The following VDAC1 variants were observed in gnomAD, a reference collection of about 807,000 sequenced individuals.
VDAC1 encodes non-selective voltage-gated ion channel VDAC1.
A neutral mutation model predicts 34.7 loss-of-function variants in VDAC1; 10 were observed. The ratio of observed to expected loss-of-function variants is 0.29; its 90% CI spans 0.18 to 0.49. The LOEUF (loss-of-function observed/expected upper bound fraction) is 0.49, where lower values mean the gene tolerates loss of function less well. Ranked by LOEUF, VDAC1 falls within the 20% of genes least tolerant of loss-of-function variation. The pLI is 0.99. For synonymous variants in VDAC1, 130 were observed against 136.0 expected, an observed-to-expected ratio of 0.96 and a Z score of 0.30; for missense variants, 230 against 347.9, an observed-to-expected ratio of 0.66 and a Z score of 2.69.
the VDAC1 span, among the ~76,000 whole-genome samples, chr5:134,040,948 C>T: frequency 6.6e-6 from 1 of 152,088 alleles, no homozygotes; most frequent in Admixed American, 6.6e-5. Context: ...GTGTGTTTTT[C>T]CCCCAAGAAG....
intron 1 of VDAC1, among the ~76,000 whole-genome samples, chr5:133,996,361 G>C (rs1753307788): frequency 6.6e-6 from 1 of 152,134 alleles, no homozygotes; most frequent in Non-Finnish European, 1.5e-5. Flanking sequence ...GGCTGACCTT[G>C]AACAAATTAT....
At chr5:134,051,828 A>G in the VDAC1 span, among the ~76,000 whole-genome samples, 409 of 151,910 alleles carry the variant, frequency 2.7e-3, no homozygotes, top group African/African-American at 9.3e-3. Flanking sequence ...CCTCCCGAGT[A>G]TCTGGGATTA....
chr5:134,011,653 T>C, the VDAC1 span, among the ~76,000 whole-genome samples: 1 of 151,876 alleles, frequency 6.6e-6, no homozygotes, highest in East Asian at 1.9e-4. Flanking sequence ...TTTTTTTTTT[T>C]TTTTTAGACA....
chr5:134,070,947 G>A, the VDAC1 span, among the ~76,000 whole-genome samples: 1 of 152,188 alleles, frequency 6.6e-6, no homozygotes, highest in South Asian at 2.1e-4. Flanking sequence ...AAAATGGCTC[G>A]TAGGATTTTC....
At chr5:134,024,528 CAAAAAAAAAAAGAA>C in the VDAC1 span, among the ~76,000 whole-genome samples, 1 of 66,258 alleles carries the variant, frequency 1.5e-5, no homozygotes, top group South Asian at 5.0e-4. Flanking sequence ...GACCCTGTCT[CAAAAAAAAAAAGAA>C]AAAAAAAAAA....
At chr5:134,007,500 T>C (rs553411166), upstream of VDAC1, among the ~76,000 whole-genome samples, 2 of 152,158 alleles carry the variant, frequency 1.3e-5, no homozygotes, top group Admixed American at 1.3e-4. Context: ...CCATAATCAC[T>C]AGAATCCATT....
At chr5:134,021,557 T>TA in the VDAC1 span, among the ~76,000 whole-genome samples, 80,222 of 142,322 alleles carry the variant, frequency 0.56, 22,966 homozygotes, top group Non-Finnish European at 0.63. Context: ...GACCTTGTCT[T>TA]AAAAAAAAAA....
chr5:134,008,325 C>T (rs1753788372), upstream of VDAC1, among the ~76,000 whole-genome samples: 1 of 152,204 alleles, frequency 6.6e-6, no homozygotes, highest in Admixed American at 6.5e-5. Flanking sequence ...GCTGCCTGAG[C>T]CAACGGCCTC....
chr5:134,039,422 G>C, the VDAC1 span, among the ~76,000 whole-genome samples: 6 of 152,254 alleles, frequency 3.9e-5, no homozygotes, highest in African/African-American at 1.4e-4. Context: ...TCTGCCTCCT[G>C]GGTTCTGGCC....
At chr5:134,092,773 C>T in the VDAC1 span, among the ~76,000 whole-genome samples, 1 of 152,076 alleles carries the variant, frequency 6.6e-6, no homozygotes, top group Admixed American at 6.5e-5. Flanking sequence ...CCCAGCGATG[C>T]CCCACACAGA....
the VDAC1 span, among the ~76,000 whole-genome samples, chr5:134,054,424 TCTC>T: frequency 1.3e-5 from 2 of 151,654 alleles, no homozygotes; most frequent in Non-Finnish European, 2.9e-5. Flanking sequence ...TCTTTTCTTT[TCTC>T]TTTTATTTTC....
chr5:133,975,766 T>C, intron 7 of VDAC1, 105 bp downstream of exon 7: 1 of 1,529,544 alleles, frequency 6.5e-7, no homozygotes, highest in Non-Finnish European at 8.9e-7. Flanking sequence ...GCAGCATCTC[T>C]CACTTTGAGT....
the VDAC1 span, among the ~76,000 whole-genome samples, chr5:134,064,372 C>T: frequency 6.6e-6 from 1 of 151,878 alleles, no homozygotes; most frequent in Non-Finnish European, 1.5e-5. Flanking sequence ...GTAGTGCAAT[C>T]TTGGCTCACT....
At chr5:134,085,630 G>A in the VDAC1 span, among the ~76,000 whole-genome samples, 1 of 141,126 alleles carries the variant, frequency 7.1e-6, no homozygotes, top group East Asian at 2.4e-4. Context: ...GCTCACGCCT[G>A]TAATCCCAGC....
At chr5:134,006,489 T>A (rs1753753148), upstream of VDAC1, among the ~76,000 whole-genome samples, 2 of 152,126 alleles carry the variant, frequency 1.3e-5, no homozygotes, top group Non-Finnish European at 2.9e-5. Context: ...AAGCCTGTAA[T>A]CCTAGTACTT....
chr5:134,015,671 G>A, the VDAC1 span, among the ~76,000 whole-genome samples: 1 of 151,418 alleles, frequency 6.6e-6, no homozygotes, highest in African/African-American at 2.4e-5. Flanking sequence ...TTGAGACGGA[G>A]TCTCGCTCTG....
the VDAC1 span, among the ~76,000 whole-genome samples, chr5:134,016,082 C>G: frequency 1.3e-5 from 2 of 152,238 alleles, no homozygotes; most frequent in South Asian, 2.1e-4. Flanking sequence ...AGCCCCCACA[C>G]CTGGCCTCCA....
the VDAC1 span, among the ~76,000 whole-genome samples, chr5:134,012,699 CA>C: frequency 2.0e-5 from 3 of 151,886 alleles, no homozygotes; most frequent in Non-Finnish European, 2.9e-5. Flanking sequence ...CTGTTCCTAT[CA>C]AACTAACAAC....
chr5:134,095,769 C>T, the VDAC1 span, among the ~76,000 whole-genome samples: 1 of 152,206 alleles, frequency 6.6e-6, no homozygotes, highest in Non-Finnish European at 1.5e-5. Flanking sequence ...TTTAAATTCA[C>T]TGCAACTAAA....
Sources: gnomAD v4.1 joint callset for allele counts (sites outside exome capture counted in the v4.1 genomes callset) on GRCh38, gnomAD v4.1.1 for gene constraint, MANE v1.5 for transcripts, NCBI Gene and HGNC (gene_info 2026-07-23, HGNC 2026-07-21) for gene names.